Variants in IKZF1 observed in about 807,000 individuals in gnomAD.
The protein encoded by IKZF1 is IKAROS family zinc finger 1.
In IKZF1, 10 loss-of-function variants were observed where a neutral mutation model predicts 51.7. The observed-to-expected ratio is 0.19, with a 90% confidence interval of 0.12 to 0.33. IKZF1 has a LOEUF of 0.33. IKZF1 is among the 10% of genes least tolerant of loss of function. IKZF1 has a pLI of 1.00. For synonymous variants in IKZF1, 280 were observed against 282.3 expected, an observed-to-expected ratio of 0.99 and a Z score of 0.08; for missense variants, 484 against 707.5, an observed-to-expected ratio of 0.68 and a Z score of 3.58.
intron 5 of IKZF1, among the ~76,000 whole-genome samples, chr7:50,384,356 A>C (rs544191167): frequency 9.9e-5 from 15 of 152,246 alleles, no homozygotes; most frequent in Non-Finnish European, 1.8e-4. Flanking sequence ...CTGGCGGTGC[A>C]CATGGAGAAG....
At chr7:50,386,087 T>C (rs1429843790) in intron 5 of IKZF1, among the ~76,000 whole-genome samples, 1 of 152,242 alleles carries the variant, frequency 6.6e-6, no homozygotes, top group African/African-American at 2.4e-5. Context: ...GAGAAAGAAG[T>C]AGAAGATTCT....
chr7:50,304,277 G>C (rs1440401377), upstream of IKZF1: 1 of 149,604 alleles, frequency 6.7e-6, no homozygotes, highest in African/African-American at 2.4e-5. Flanking sequence ...ACGGGACGAC[G>C]CACCCTCTCC....
chr7:50,348,826 A>T (rs1203801612), intron 3 of IKZF1, among the ~76,000 whole-genome samples: 1 of 152,198 alleles, frequency 6.6e-6, no homozygotes, highest in Non-Finnish European at 1.5e-5. Flanking sequence ...GATGCTAAGG[A>T]GAGTTGTCCT....
intron 3 of IKZF1, among the ~76,000 whole-genome samples, chr7:50,330,982 T>A (rs1796335414): frequency 6.6e-6 from 1 of 152,148 alleles, no homozygotes; most frequent in Non-Finnish European, 1.5e-5. Flanking sequence ...GCTTTTCTTC[T>A]CTGAGCCTCA....
At chr7:50,362,120 C>T (rs1805435180) in intron 3 of IKZF1, among the ~76,000 whole-genome samples, 1 of 152,160 alleles carries the variant, frequency 6.6e-6, no homozygotes, top group Admixed American at 6.5e-5. Flanking sequence ...TTGGTTTTTC[C>T]TAATCTTCTG....
At chr7:50,361,835 C>G (rs370468858) in intron 3 of IKZF1, among the ~76,000 whole-genome samples, 55 of 152,136 alleles carry the variant, frequency 3.6e-4, no homozygotes, top group African/African-American at 1.3e-3. Context: ...AAGATCATGC[C>G]ACTGCACTCC....
At chr7:50,335,596 G>C (rs1446917453) in intron 3 of IKZF1, among the ~76,000 whole-genome samples, 4 of 151,096 alleles carry the variant, frequency 2.6e-5, no homozygotes, top group Non-Finnish European at 5.9e-5. Flanking sequence ...TGTATGGGAT[G>C]TGTAGTGTGT....
intron 3 of IKZF1, among the ~76,000 whole-genome samples, chr7:50,369,985 A>G (rs530006552): frequency 6.6e-6 from 1 of 152,316 alleles, no homozygotes; most frequent in Non-Finnish European, 1.5e-5. Flanking sequence ...AATCTCTTTT[A>G]GAGGCAACAC....
intron 3 of IKZF1, among the ~76,000 whole-genome samples, chr7:50,339,936 C>T (rs2153413881): frequency 6.6e-6 from 1 of 152,148 alleles, no homozygotes; most frequent in Non-Finnish European, 1.5e-5. Flanking sequence ...AATATTAGCC[C>T]ATGCAATATT....
At position 50,327,800 on chromosome 7, in the gene IKZF1, T is replaced by A. The variant is rs149935863; in HGVS notation, c.160+43T>A. 211 of 1,540,112 alleles carry A rather than the reference T, an allele frequency of 1.4e-4. 1 individual carries two copies. The African/African-American group carries it at 2.7e-3, about 19-fold the overall frequency. ...GGCCTCTGTGCCTGTGAAACCTTTA[T>A]CTCTTTGTATTTTTCCAAGACAGTG... On this transcript the variant is annotated intron_variant, in intron 3 of 7. Coordinates refer to ENST00000331340, the MANE Select transcript of IKZF1 (RefSeq NM_006060.6).
intron 3 of IKZF1, among the ~76,000 whole-genome samples, chr7:50,345,959 A>G (rs1800254937): frequency 1.3e-5 from 2 of 152,186 alleles, no homozygotes; most frequent in Non-Finnish European, 2.9e-5. Context: ...ACTTCATGAA[A>G]ATATTTAGCT....
At chr7:50,313,301 T>C (rs1330462963) in intron 1 of IKZF1, among the ~76,000 whole-genome samples, 1 of 152,202 alleles carries the variant, frequency 6.6e-6, no homozygotes, top group Non-Finnish European at 1.5e-5. Context: ...GTCTCCCCCA[T>C]GTATCTACTC....
chr7:50,351,210 T>C (rs1220421446), intron 3 of IKZF1, among the ~76,000 whole-genome samples: 1 of 152,244 alleles, frequency 6.6e-6, no homozygotes, highest in African/African-American at 2.4e-5. Context: ...TTAACCATTA[T>C]ATTTTTATGA....
chr7:50,306,715 A>C (rs1426736503), intron 1 of IKZF1, among the ~76,000 whole-genome samples: 2 of 152,242 alleles, frequency 1.3e-5, no homozygotes, highest in Admixed American at 6.5e-5. Flanking sequence ...AGAGGTCTAA[A>C]GCCCTGTTGT....
Position 50,402,808 on chromosome 7 carries a change from A to C in IKZF1, c.*2181A>C, listed in dbSNP as rs1482998608. The C allele has an allele frequency of 4.3e-6, 1 of 230,450 alleles. No individual in the cohort carries two copies. Among genetic ancestry groups the C allele is most frequent in the Non-Finnish European group, 8.6e-6 (1 of 116,282 alleles). 14.3% of individuals were successfully genotyped at this position (230,450 alleles called of 1,614,324 possible). The stretch of plus-strand genomic sequence containing the variant: ...GCATTTGGAAACGGGAATAAACAAA[A>C]TTGCTGCACCAATGCACTGAGTGAA... On this transcript the variant is annotated 3_prime_UTR_variant, in exon 8 of 8. Coordinates refer to ENST00000331340, the MANE Select transcript of IKZF1 (RefSeq NM_006060.6).
At chr7:50,399,725 C>T (rs1200957474) in intron 7 of IKZF1, among the ~76,000 whole-genome samples, 193 bp from the exon 8 acceptor site, 3 of 152,172 alleles carry the variant, frequency 2.0e-5, no homozygotes, top group Non-Finnish European at 4.4e-5. Flanking sequence ...TTCCCCCAGC[C>T]CGTCAGTATG....
Position 50,400,204 on chromosome 7 carries a change from C to A in IKZF1, c.1137C>A (p.Ala379=). 6.3e-7 allele frequency: 1 copy of A among 1,582,366 alleles called. No individual in the cohort carries two copies. The highest frequency in any genetic ancestry group is 1.1e-5 in the South Asian group (1 of 87,252). Residue 379 remains alanine, a synonymous_variant, in exon 8 of 8, where the codon GCC becomes GCA. Coordinates refer to ENST00000331340, the MANE Select transcript of IKZF1 (RefSeq NM_006060.6). This position sits in a 1 kb window ranked among gnomAD's most constrained non-coding sequence, Gnocchi z 5.4. ...AGAACCTGCTGCTGCTCTCCAAGGCCAAGTTGGTGCCCTCGGAGCGCGAGG... is the reference window on the plus strand; with the variant it reads ...AGAACCTGCTGCTGCTCTCCAAGGCAAAGTTGGTGCCCTCGGAGCGCGAGG... The part of the protein sequence containing the change: ...AVENLLLLSK[A]KLVPSEREAS...
intron 2 of IKZF1, among the ~76,000 whole-genome samples, chr7:50,322,555 A>T (rs761027842): frequency 6.6e-5 from 10 of 152,234 alleles, no homozygotes; most frequent in Non-Finnish European, 1.5e-4. Context: ...CTACTGATAG[A>T]CTTGGAGGAG....
At chr7:50,392,725 A>G (rs59166478) in intron 7 of IKZF1, among the ~76,000 whole-genome samples, 2,289 of 152,298 alleles carry the variant, frequency 0.015, 65 homozygotes, top group African/African-American at 0.053. Flanking sequence ...CGGAAAGAGG[A>G]CCAGTAAAAG....
Sources: allele counts gnomAD v4.1 joint callset (sites outside exome capture counted in the v4.1 genomes callset), GRCh38; gene constraint gnomAD v4.1.1; non-coding constraint Gnocchi (gnomAD v3.1); transcripts MANE v1.5; gene names NCBI Gene and HGNC (gene_info 2026-07-23, HGNC 2026-07-21).